CAMK4: variants seen among roughly 807,000 people sequenced by gnomAD.
CAMK4 encodes the protein calcium/calmodulin-dependent protein kinase type IV.
In CAMK4, 22 loss-of-function variants were observed where a neutral mutation model predicts 44.9. The observed-to-expected ratio is 0.49, with a 90% confidence interval of 0.35 to 0.70. The LOEUF (loss-of-function observed/expected upper bound fraction) is 0.70, where lower values mean the gene tolerates loss of function less well. Ranked by LOEUF, CAMK4 falls within the 30% of genes least tolerant of loss-of-function variation. The pLI, the probability that CAMK4 is intolerant of heterozygous loss-of-function variation, is 0.01. For synonymous variants in CAMK4, 218 were observed against 215.4 expected (o/e 1.01, Z -0.11); for missense variants, 498 against 586.8 (o/e 0.85, Z 1.56).
intron 1 of CAMK4, among the ~76,000 whole-genome samples, chr5:111,292,719 C>T (rs957036139): frequency 2.6e-4 from 39 of 151,972 alleles, no homozygotes; most frequent in African/African-American, 9.2e-4. Flanking sequence ...CCCAGGAGTT[C>T]GAGACCAGCC....
Position 111,490,298 on chromosome 5 carries a change from T to C in CAMK4, c.*5832T>C, listed in dbSNP as rs1180873147. 1 of 152,168 alleles carries C rather than the reference T, an allele frequency of 6.6e-6. No individual in the cohort carries two copies. The highest frequency in any genetic ancestry group is 2.4e-5 in the African/African-American group (1 of 41,434). The allele number at this position is 152,168 out of a possible 1,614,324, so 9.4% of individuals were successfully genotyped here. On this transcript the variant is annotated 3_prime_UTR_variant, in exon 11 of 11. Coordinates refer to ENST00000282356, the MANE Select transcript of CAMK4 (RefSeq NM_001744.6). Reference sequence around the variant, plus strand: ...ATAGATGTAGAGCAGTTCATCTGTTTTGTAAAGGTACAGTTAAGCATAACT... The same window carrying C: ...ATAGATGTAGAGCAGTTCATCTGTTCTGTAAAGGTACAGTTAAGCATAACT...
chr5:111,383,346 G>A (rs1751484918), intron 4 of CAMK4, among the ~76,000 whole-genome samples: 1 of 152,192 alleles, frequency 6.6e-6, no homozygotes, highest in Admixed American at 6.5e-5. Context: ...GAAAAAGAAA[G>A]ACTTTTGGAA....
chr5:111,276,671 A>G (rs1750772536), intron 1 of CAMK4, among the ~76,000 whole-genome samples: 1 of 152,074 alleles, frequency 6.6e-6, no homozygotes, highest in Non-Finnish European at 1.5e-5. Flanking sequence ...ATTTCTTTAT[A>G]TTTCAAACAT....
intron 1 of CAMK4, among the ~76,000 whole-genome samples, chr5:111,245,380 G>A (rs1382517445): frequency 6.6e-6 from 1 of 152,130 alleles, no homozygotes; most frequent in African/African-American, 2.4e-5. Flanking sequence ...AATAATAGCA[G>A]AAATTTTTAT....
At chr5:111,406,790 G>A (rs776421612) in intron 5 of CAMK4, among the ~76,000 whole-genome samples, 1 of 152,128 alleles carries the variant, frequency 6.6e-6, no homozygotes, top group Non-Finnish European at 1.5e-5. Flanking sequence ...CCTTGGAAGA[G>A]AATACCTCAA....
chr5:111,387,408 T>A (rs1419134303), intron 4 of CAMK4, among the ~76,000 whole-genome samples: 1 of 152,224 alleles, frequency 6.6e-6, no homozygotes, highest in Non-Finnish European at 1.5e-5. Context: ...TTTAAATTAC[T>A]TTGATTTTGT....
chr5:111,380,286 A>G lies in CAMK4; in HGVS notation c.386+3344A>G, dbSNP rs77756956. Among the ~76,000 whole-genome samples, 798 of 151,908 alleles carry G rather than the reference A, an allele frequency of 5.3e-3. 7 individuals are homozygous for G. The highest frequency in any genetic ancestry group is 0.018 in the African/African-American group (737 of 41,494). On this transcript the variant is annotated intron_variant, in intron 4 of 10. Coordinates refer to ENST00000282356, the MANE Select transcript of CAMK4 (RefSeq NM_001744.6). ...AAGTATAGTTTTGAATTTTGTAAAC[A>G]TTGTCATGGGTTTTTTTTCTGTTTT...
chr5:111,484,552 A>G lies in CAMK4; in HGVS notation c.*86A>G, dbSNP rs1755549749. The G allele has an allele frequency of 1.2e-6, 1 of 851,720 alleles. No individual in the cohort carries two copies. Among genetic ancestry groups the G allele is most frequent in the Non-Finnish European group, 1.7e-6 (1 of 592,810 alleles). The allele number at this position is 851,720 out of a possible 1,614,324, so 52.8% of individuals were successfully genotyped here. On this transcript the variant is annotated 3_prime_UTR_variant, in exon 11 of 11. Coordinates refer to ENST00000282356, the MANE Select transcript of CAMK4 (RefSeq NM_001744.6). This position sits in a 1 kb window ranked among gnomAD's most constrained non-coding sequence, Gnocchi z 5.3. ...AGAAAGGTGTGGAAGCATGATATGT[A>G]CTATAGTGATTCTGTTTTTGAGGTG...
intron 5 of CAMK4, among the ~76,000 whole-genome samples, chr5:111,407,942 A>G (rs531753814): frequency 6.6e-6 from 1 of 152,234 alleles, no homozygotes; most frequent in African/African-American, 2.4e-5. Flanking sequence ...CCTGGCCAAC[A>G]TGGTGAACCC....
chr5:111,313,876 T>A (rs1367564594), intron 1 of CAMK4, among the ~76,000 whole-genome samples: 4 of 152,084 alleles, frequency 2.6e-5, no homozygotes, highest in Non-Finnish European at 5.9e-5. Flanking sequence ...GGACTTAACT[T>A]TAATATATGC....
At chr5:111,302,326 T>G (rs1580554328) in intron 1 of CAMK4, 1 of 151,258 alleles carries the variant, frequency 6.6e-6, no homozygotes, top group South Asian at 2.1e-4. Flanking sequence ...CATTTCCATC[T>G]GAGGTACCGG....
intron 1 of CAMK4, among the ~76,000 whole-genome samples, chr5:111,279,262 A>AT (rs1439091291): frequency 2.0e-5 from 3 of 152,200 alleles, no homozygotes; most frequent in African/African-American, 7.2e-5. Flanking sequence ...GCCAAAGTTC[A>AT]AAGGGACCTG....
intron 5 of CAMK4, among the ~76,000 whole-genome samples, chr5:111,420,414 A>G (rs1428948602): frequency 6.6e-6 from 1 of 152,010 alleles, no homozygotes; most frequent in Non-Finnish European, 1.5e-5. Flanking sequence ...CTCTTTTCCT[A>G]ATTGAATACC....
At chr5:111,430,346 A>C (rs959419370) in intron 5 of CAMK4, among the ~76,000 whole-genome samples, 3 of 152,232 alleles carry the variant, frequency 2.0e-5, no homozygotes, top group Non-Finnish European at 4.4e-5. Context: ...ACTGACCCAC[A>C]GCTAGTATTA....
At chr5:111,462,881 G>A (rs1754691349) in intron 7 of CAMK4, among the ~76,000 whole-genome samples, 2 of 152,138 alleles carry the variant, frequency 1.3e-5, no homozygotes, top group African/African-American at 4.8e-5. Context: ...GTCTCTAAAT[G>A]TTTCAATGGT....
chr5:111,275,604 T>C (rs1478437960), intron 1 of CAMK4, among the ~76,000 whole-genome samples: 2 of 152,120 alleles, frequency 1.3e-5, no homozygotes, highest in Non-Finnish European at 2.9e-5. Flanking sequence ...GCTTTTAAAA[T>C]ATGAATTATA....
chr5:111,242,479 C>T (rs1749046973), intron 1 of CAMK4, among the ~76,000 whole-genome samples: 1 of 152,116 alleles, frequency 6.6e-6, no homozygotes, highest in Admixed American at 6.5e-5. Context: ...TTTTCATTTA[C>T]ATCATTTGGA....
intron 7 of CAMK4, among the ~76,000 whole-genome samples, chr5:111,456,621 G>A (rs913822217): frequency 2.6e-5 from 4 of 151,788 alleles, no homozygotes; most frequent in East Asian, 1.9e-4. Context: ...AAATATGAAT[G>A]TGATAGTTCC....
intron 1 of CAMK4, among the ~76,000 whole-genome samples, chr5:111,293,204 A>C (rs1211932348): frequency 6.6e-6 from 1 of 152,172 alleles, no homozygotes; most frequent in Non-Finnish European, 1.5e-5. Flanking sequence ...CGTATGGAGA[A>C]ATGGCACGTG....
Sources: allele counts gnomAD v4.1 joint callset (sites outside exome capture counted in the v4.1 genomes callset), GRCh38; gene constraint gnomAD v4.1.1; non-coding constraint Gnocchi (gnomAD v3.1); transcripts MANE v1.5; gene names NCBI Gene and HGNC (gene_info 2026-07-23, HGNC 2026-07-21).